The following SLC6A6 variants were observed in gnomAD, a reference collection of about 807,000 sequenced individuals.
The protein encoded by SLC6A6 is sodium- and chloride-dependent taurine transporter.
Under a neutral mutation model 68.8 loss-of-function variants are expected in SLC6A6, and 16 were observed. The ratio of observed to expected loss-of-function variants is 0.23; its 90% confidence interval spans 0.16 to 0.35. The LOEUF is 0.35. Ranked by LOEUF, SLC6A6 falls within the 10% of genes least tolerant of loss-of-function variation. The probability of loss-of-function intolerance (pLI) is 1.00; values close to 1 mark genes in which losing one functional copy is unlikely to be tolerated. For missense variants in SLC6A6, 474 were observed against 802.8 expected (o/e 0.59, Z 4.95); for synonymous variants, 312 against 315.4 (o/e 0.99, Z 0.12).
At chr3:14,433,712 G>A (rs543358746) in intron 2 of SLC6A6, among the ~76,000 whole-genome samples, 22 of 148,080 alleles carry the variant, frequency 1.5e-4, no homozygotes, top group East Asian at 4.0e-4. Context: ...GCTGAGAAAC[G>A]AGAATCTCTT....
chr3:14,403,800 C>T (rs1441694858), intron 1 of SLC6A6, among the ~76,000 whole-genome samples: 1 of 152,204 alleles, frequency 6.6e-6, no homozygotes, highest in Non-Finnish European at 1.5e-5. Flanking sequence ...AGAGAGAATT[C>T]CAGGGACCTC....
rs1375427583 is a variant in SLC6A6 at position 14,481,186 on chromosome 3, A to G, written c.1552-485A>G. ...TGGTTACAACCACTCGCTTTCTGGA[A>G]GGAGAGGTATGGGTGGTGCCTGGGC... On this transcript the variant is annotated intron_variant, in intron 13 of 14. Coordinates refer to ENST00000622186, the MANE Select transcript of SLC6A6 (RefSeq NM_003043.6). The surrounding 1 kb of genome is among the most constrained non-coding windows in gnomAD (Gnocchi z 4.7). 6.6e-6 allele frequency among the ~76,000 whole-genome samples: 1 copy of G among 152,232 alleles called. No individual in the cohort carries two copies. The highest frequency in any genetic ancestry group is 1.5e-5 in the Non-Finnish European group (1 of 68,052).
At chr3:14,464,440 G>C (rs1700568962) in intron 6 of SLC6A6, among the ~76,000 whole-genome samples, 2 of 152,206 alleles carry the variant, frequency 1.3e-5, no homozygotes. Context: ...ACGGGCCAGT[G>C]AAAATAGACG....
At position 14,481,520 on chromosome 3, in the gene SLC6A6, C is replaced by T; in HGVS notation, c.1552-151C>T. Reference sequence around the variant, plus strand: ...TGTTTTTACCGGGGCGGGGGGGATCCTTATGGCAGCAGAGAGGGGTGTGAG... The same window carrying T: ...TGTTTTTACCGGGGCGGGGGGGATCTTTATGGCAGCAGAGAGGGGTGTGAG... On this transcript the variant is annotated intron_variant, in intron 13 of 14. Transcript: ENST00000622186. This position sits in a 1 kb window ranked among gnomAD's most constrained non-coding sequence, Gnocchi z 4.7. The T allele has an allele frequency of 1.7e-6, 1 of 604,656 alleles. No homozygotes were observed. Among genetic ancestry groups the T allele is most frequent in the Non-Finnish European group, 2.9e-6 (1 of 340,770 alleles). The allele number at this position is 604,656 out of a possible 1,614,324, so 37.5% of individuals were successfully genotyped here.
chr3:14,407,090 C>G (rs1276486457), intron 1 of SLC6A6, among the ~76,000 whole-genome samples: 1 of 151,758 alleles, frequency 6.6e-6, no homozygotes, highest in Non-Finnish European at 1.5e-5. Context: ...GACTTCGTTG[C>G]CCAGGCTGGA....
chr3:14,477,474 C>CA lies in SLC6A6; in HGVS notation c.1347+132_1347+133insA. On this transcript the variant is annotated intron_variant, in intron 11 of 14. Transcript: ENST00000622186. This position sits in a 1 kb window ranked among gnomAD's most constrained non-coding sequence, Gnocchi z 4.2. ...CCCAGCCCCACCCAATTCAGGGGTC[C>CA]TGCTTGGACCAACACTGGGGGTAGC... The CA allele has an allele frequency of 1.1e-6, 1 of 890,500 alleles. No homozygotes were observed. Among genetic ancestry groups the CA allele is most frequent in the Non-Finnish European group, 1.8e-6 (1 of 569,170 alleles). 55.2% of individuals were successfully genotyped at this position (890,500 alleles called of 1,614,324 possible). A position where few individuals can be genotyped will look rare whatever the true frequency, so the allele number is the denominator to read the frequency against.
intron 14 of SLC6A6, among the ~76,000 whole-genome samples, chr3:14,483,197 A>C (rs539889304): frequency 2.0e-5 from 3 of 152,126 alleles, no homozygotes; most frequent in African/African-American, 7.2e-5. Flanking sequence ...CATGGGGGAA[A>C]GAGGTGGGGG....
rs529600360 is a variant in SLC6A6, at chr3:14,443,540, G to A, written c.-11-84G>A. 1.3e-4 allele frequency: 133 copies of A among 997,194 alleles called. No homozygotes were observed. The East Asian group carries it at 2.2e-3, about 16-fold the overall frequency. The allele number at this position is 997,194 out of a possible 1,614,324, so 61.8% of individuals were successfully genotyped here. A position where few individuals can be genotyped will look rare whatever the true frequency, so the allele number is the denominator to read the frequency against. ...GGCCCGGGCAGGTGGGAGCCGGCTC[G>A]TGGATGAGGAAGCAGAGATTGTGTC... On this transcript the variant is annotated intron_variant, in intron 2 of 14. Coordinates refer to ENST00000622186, the MANE Select transcript of SLC6A6 (RefSeq NM_003043.6).
intron 2 of SLC6A6, among the ~76,000 whole-genome samples, chr3:14,430,033 G>A (rs1699687019): frequency 6.6e-6 from 1 of 152,140 alleles, no homozygotes; most frequent in African/African-American, 2.4e-5. Context: ...TTGGACCAGG[G>A]TCTTCCAGGT....
In SLC6A6 at chr3:14,472,243, A is replaced by T; in HGVS notation, c.1135A>T (p.Thr379Ser). ...LAFIAYPKAV[T>S]MMPLPTFWSI... ...CTTCATTGCCTACCCAAAAGCTGTGACAATGATGCCGCTGCCCACATTTTG... is the reference window on the plus strand; with the variant it reads ...CTTCATTGCCTACCCAAAAGCTGTGTCAATGATGCCGCTGCCCACATTTTG... The change falls in exon 10 of 15, where the codon ACA becomes TCA. Residue 379 changes from threonine (T) to serine (S), a missense_variant. By Grantham distance (58) the Thr-to-Ser change is moderately conservative (BLOSUM62 1). Coordinates refer to ENST00000622186, the MANE Select transcript of SLC6A6 (RefSeq NM_003043.6). This position sits in a 1 kb window ranked among gnomAD's most constrained non-coding sequence, Gnocchi z 4.5. The T allele has an allele frequency of 6.2e-7, 1 of 1,613,900 alleles. No individual in the cohort carries two copies. The highest frequency in any genetic ancestry group is 1.3e-5 in the African/African-American group (1 of 75,044).
chr3:14,436,531 C>CTTTTTTTTTTTTTTTTTTTTTTTTT (rs58996264), intron 2 of SLC6A6, among the ~76,000 whole-genome samples: 2 of 112,582 alleles, frequency 1.8e-5, no homozygotes, highest in African/African-American at 6.6e-5. Flanking sequence ...CAACAACTCC[C>CTTTTTTTTTTTTTTTTTTTTTTTTT]TTTTTTTTTT....
chr3:14,408,841 C>G (rs2124893933), intron 1 of SLC6A6, among the ~76,000 whole-genome samples: 1 of 151,814 alleles, frequency 6.6e-6, no homozygotes, highest in South Asian at 2.1e-4. Flanking sequence ...GAGTCTCGCT[C>G]TGTCGCCCAG....
rs772809301 is a variant in SLC6A6 at position 14,484,886 on chromosome 3, C to T, written c.1742C>T (p.Thr581Ile). 1.9e-6 allele frequency: 3 copies of T among 1,611,962 alleles called. No individual in the cohort carries two copies. The highest frequency in any genetic ancestry group is 2.5e-6 in the Non-Finnish European group (3 of 1,179,986). The stretch of plus-strand genomic sequence containing the variant: ...CTCCAGAGAGTCAAGTACCTGCTGA[C>T]CCCAAGGGAACCCAACCGCTGGGCT... Reference protein sequence around the residue: ...PFLVRVKYLLTPREPNRWAVE... With the variant: ...PFLVRVKYLLIPREPNRWAVE... Residue 581 changes from threonine (T) to isoleucine (I), a missense_variant, in exon 15 of 15, where the codon ACC (threonine) becomes ATC (isoleucine). Thr to Ile is a moderately conservative substitution (Grantham distance 89). Transcript: ENST00000622186.
At chr3:14,425,715 G>A (rs1360680266) in intron 2 of SLC6A6, among the ~76,000 whole-genome samples, 3 of 142,298 alleles carry the variant, frequency 2.1e-5, no homozygotes, top group East Asian at 4.8e-4. Flanking sequence ...GGGACTCGGG[G>A]CAGGGAGGGT....
At chr3:14,438,812 G>T (rs1333048498) in intron 2 of SLC6A6, among the ~76,000 whole-genome samples, 2 of 152,218 alleles carry the variant, frequency 1.3e-5, no homozygotes, top group Non-Finnish European at 2.9e-5. Flanking sequence ...GACAATATGA[G>T]ATTTAAATCA....
chr3:14,406,577 A>G (rs932397075), intron 1 of SLC6A6, among the ~76,000 whole-genome samples: 5 of 152,210 alleles, frequency 3.3e-5, no homozygotes, highest in African/African-American at 1.2e-4. Flanking sequence ...TACACAGGCC[A>G]TTAACTTGCT....
intron 2 of SLC6A6, among the ~76,000 whole-genome samples, chr3:14,424,828 A>T (rs990214822): frequency 6.6e-6 from 1 of 152,098 alleles, no homozygotes; most frequent in Admixed American, 6.5e-5. Flanking sequence ...TTGCTGACTC[A>T]CGTGGTTTTG....
rs770102030 is a variant in SLC6A6, at chr3:14,447,589, C to G, written c.372C>G (p.Gly124=). ...EKICPLFSGI[G]YASVVIVSLL... is the part of the protein sequence containing the mutation. ...CATTTGCCCAACCTGCAGGTATCGG[C>G]TATGCCTCCGTTGTAATTGTGTCCC... Residue 124 remains glycine (G), a synonymous_variant, in exon 5 of 15, where the codon GGC becomes GGG. Coordinates refer to ENST00000622186, the MANE Select transcript of SLC6A6 (RefSeq NM_003043.6). The G allele has an allele frequency of 3.1e-6, 5 of 1,614,248 alleles. No homozygotes were observed. Among genetic ancestry groups the G allele is most frequent in the Non-Finnish European group, 4.2e-6 (5 of 1,180,026 alleles).
chr3:14,412,649 G>T (rs1699275621), intron 1 of SLC6A6, among the ~76,000 whole-genome samples: 1 of 152,230 alleles, frequency 6.6e-6, no homozygotes, highest in Admixed American at 6.5e-5. Flanking sequence ...TGACAACAGT[G>T]AGACAGCAGG....
Sources: allele counts gnomAD v4.1 joint callset (sites outside exome capture counted in the v4.1 genomes callset), GRCh38; gene constraint gnomAD v4.1.1; non-coding constraint Gnocchi (gnomAD v3.1); transcripts MANE v1.5; gene names NCBI Gene and HGNC (gene_info 2026-07-23, HGNC 2026-07-21).